The following AGMO variants were observed in gnomAD, a reference collection of about 807,000 sequenced individuals.
The protein encoded by AGMO is glyceryl-ether monooxygenase.
A neutral mutation model predicts 60.2 loss-of-function variants in AGMO; 75 were observed. The ratio of observed to expected loss-of-function variants is 1.25; its 90% CI spans 1.03 to 1.51. The LOEUF is 1.51. AGMO is among the 40% of genes most tolerant of loss of function. The pLI is 0.00. For missense variants in AGMO, 763 were observed against 525.5 expected (o/e 1.45, Z -4.42); for synonymous variants, 261 against 177.1 (o/e 1.47, Z -3.76).
intron 5 of AGMO, among the ~76,000 whole-genome samples, chr7:15,403,648 A>C (rs1246419242): frequency 2.6e-5 from 4 of 152,012 alleles, no homozygotes; most frequent in Admixed American, 2.6e-4. Flanking sequence ...CAACATATTA[A>C]AATAGTTTCT....
the AGMO span, among the ~76,000 whole-genome samples, chr7:15,159,939 G>A: frequency 9.2e-5 from 14 of 152,248 alleles, no homozygotes; most frequent in East Asian, 1.5e-3. Context: ...GCCAGAACAT[G>A]CTTAAACTTG....
the AGMO span, among the ~76,000 whole-genome samples, chr7:15,182,884 T>G: frequency 1.3e-5 from 2 of 152,030 alleles, no homozygotes; most frequent in Non-Finnish European, 2.9e-5. Flanking sequence ...TGGTGGAAGA[T>G]GAAGGGGCAC....
Position 15,500,381 on chromosome 7 carries a change from T to C in AGMO, c.409+44391A>G, listed in dbSNP as rs190403459. On this transcript the variant is annotated intron_variant, in intron 3 of 12. Coordinates refer to ENST00000342526, the MANE Select transcript of AGMO (RefSeq NM_001004320.2). ...CAGATAAGTAATGGTATTAATGTCA[T>C]TAGGAACCAAATTTCTCATTGTAAG... Among the ~76,000 whole-genome samples, 35 of 151,926 alleles carry C rather than the reference T, an allele frequency of 2.3e-4. No individual in the cohort carries two copies. In the East Asian group the frequency reaches 6.4e-3, roughly 28 times the overall value.
intron 3 of AGMO, among the ~76,000 whole-genome samples, chr7:15,479,256 A>C (rs1440651895): frequency 1.3e-5 from 2 of 152,172 alleles, no homozygotes; most frequent in Non-Finnish European, 2.9e-5. Context: ...ACAAAAGTAC[A>C]ATGGGGCAGG....
intron 8 of AGMO, 50 bp downstream of exon 8, chr7:15,390,621 G>T: frequency 7.2e-7 from 1 of 1,383,002 alleles, no homozygotes; most frequent in Non-Finnish European, 1.0e-6. Context: ...TTAACTATAA[G>T]ATTTATGAAA....
chr7:15,130,269 A>T, the AGMO span, among the ~76,000 whole-genome samples: 1 of 151,926 alleles, frequency 6.6e-6, no homozygotes, highest in Non-Finnish European at 1.5e-5. Flanking sequence ...TCATGTTTCA[A>T]AGTGTCATGT....
chr7:15,247,414 TCA>T (rs71525649), intron 12 of AGMO, among the ~76,000 whole-genome samples: 10,693 of 123,480 alleles, frequency 0.087, 452 homozygotes, highest in East Asian at 0.1. Flanking sequence ...CTTGGAGATT[TCA>T]CACACACACA....
intron 3 of AGMO, among the ~76,000 whole-genome samples, chr7:15,474,443 G>A (rs1399494598): frequency 6.6e-6 from 1 of 151,810 alleles, no homozygotes; most frequent in Non-Finnish European, 1.5e-5. Context: ...AAAAGCAATG[G>A]GGAAAAGATT....
At chr7:15,287,877 A>C (rs1752470354) in intron 12 of AGMO, among the ~76,000 whole-genome samples, 1 of 152,166 alleles carries the variant, frequency 6.6e-6, no homozygotes, top group African/African-American at 2.4e-5. Flanking sequence ...TAACCTTTTC[A>C]ATTACTGGCA....
chr7:15,208,038 T>G (rs1372777755), intron 12 of AGMO, among the ~76,000 whole-genome samples: 3 of 152,202 alleles, frequency 2.0e-5, no homozygotes, highest in Non-Finnish European at 2.9e-5. Context: ...TGATTATGTC[T>G]GCGATTTATA....
chr7:15,515,877 G>A (rs532233522), intron 3 of AGMO, among the ~76,000 whole-genome samples: 1 of 152,278 alleles, frequency 6.6e-6, no homozygotes, highest in Admixed American at 6.5e-5. Context: ...TGTAGACAGG[G>A]TATGTGCATA....
At chr7:15,280,557 G>A (rs762254496) in intron 12 of AGMO, among the ~76,000 whole-genome samples, 51 of 152,036 alleles carry the variant, frequency 3.4e-4, no homozygotes, top group Non-Finnish European at 6.2e-4. Flanking sequence ...GCAGCTCTAC[G>A]GCCCCACCTA....
chr7:15,492,593 A>C (rs960978418), intron 3 of AGMO, among the ~76,000 whole-genome samples: 1 of 138,200 alleles, frequency 7.2e-6, no homozygotes, highest in African/African-American at 2.5e-5. Flanking sequence ...TTGAATAACT[A>C]TATTGAGGAG....
chr7:15,430,603 T>TAA (rs397890114), intron 4 of AGMO, among the ~76,000 whole-genome samples: 2 of 128,046 alleles, frequency 1.6e-5, no homozygotes, highest in East Asian at 2.3e-4. Context: ...TTGTTTTTTT[T>TAA]AAAAAAAAAA....
intron 12 of AGMO, among the ~76,000 whole-genome samples, chr7:15,320,270 A>G (rs1781068170): frequency 6.6e-6 from 1 of 151,898 alleles, no homozygotes; most frequent in African/African-American, 2.4e-5. Flanking sequence ...ATAAAAATAT[A>G]CACATAAAAT....
chr7:15,118,835 C>G, the AGMO span, among the ~76,000 whole-genome samples: 8 of 150,384 alleles, frequency 5.3e-5, no homozygotes, highest in African/African-American at 2.0e-4. Context: ...GTTCTCTCAC[C>G]CCAGATATTT....
At chr7:15,430,210 C>T (rs866871256) in intron 4 of AGMO, among the ~76,000 whole-genome samples, 7 of 151,818 alleles carry the variant, frequency 4.6e-5, no homozygotes, top group Admixed American at 1.3e-4. Context: ...TTTTGAACCA[C>T]GGAAATGTTT....
intron 5 of AGMO, chr7:15,396,579 C>T (rs1389166685): frequency 6.6e-6 from 1 of 152,296 alleles, no homozygotes; most frequent in Non-Finnish European, 1.5e-5. Flanking sequence ...GCTTGCCGCT[C>T]CTTGCTTGGA....
intron 12 of AGMO, among the ~76,000 whole-genome samples, chr7:15,245,555 C>A (rs537778034): frequency 6.6e-6 from 1 of 152,104 alleles, no homozygotes; most frequent in African/African-American, 2.4e-5. Flanking sequence ...AAAAATAAAT[C>A]ACTATCATAG....
Sources: gnomAD v4.1 joint callset for allele counts (sites outside exome capture counted in the v4.1 genomes callset) on GRCh38, gnomAD v4.1.1 for gene constraint, MANE v1.5 for transcripts, NCBI Gene and HGNC (gene_info 2026-07-23, HGNC 2026-07-21) for gene names.